Variants in FRMD3 observed in about 807,000 individuals in gnomAD.
FRMD3 encodes FERM domain containing 3.
Under a neutral mutation model 70.2 loss-of-function variants are expected in FRMD3, and 33 were observed. The observed-to-expected ratio is 0.47, with a 90% confidence interval of 0.36 to 0.63. The LOEUF is 0.63. Ranked by LOEUF, FRMD3 falls within the 20% of genes least tolerant of loss-of-function variation. The probability of loss-of-function intolerance (pLI) is 0.00; values close to 1 mark genes in which losing one functional copy is unlikely to be tolerated. For missense variants in FRMD3, 632 were observed against 711.4 expected, an observed-to-expected ratio of 0.89 and a Z score of 1.27; for synonymous variants, 279 against 255.9, an observed-to-expected ratio of 1.09 and a Z score of -0.86.
chr9:83,568,437 C>T, the FRMD3 span, among the ~76,000 whole-genome samples: 31 of 152,176 alleles, frequency 2.0e-4, no homozygotes, highest in African/African-American at 7.0e-4. Flanking sequence ...TTTTAAAACA[C>T]ATATCAAGTA....
intron 13 of FRMD3, among the ~76,000 whole-genome samples, chr9:83,255,082 G>T (rs1832637621): frequency 6.6e-6 from 1 of 152,090 alleles, no homozygotes; most frequent in Admixed American, 6.6e-5. Context: ...AACGAAAAAA[G>T]TAAACTTCGG....
At chr9:83,262,204 A>AATACATTCAAT (rs1417229629) in intron 13 of FRMD3, among the ~76,000 whole-genome samples, 3 of 152,216 alleles carry the variant, frequency 2.0e-5, no homozygotes, top group Non-Finnish European at 4.4e-5. Flanking sequence ...ACATAGGAAC[A>AATACATTCAAT]TCGACTTCAA....
intron 2 of FRMD3, among the ~76,000 whole-genome samples, chr9:83,383,758 G>C (rs1340054608): frequency 6.6e-6 from 1 of 152,166 alleles, no homozygotes; most frequent in Admixed American, 6.5e-5. Flanking sequence ...CCCAGCCCCT[G>C]CCTTCTGGCT....
intron 6 of FRMD3, among the ~76,000 whole-genome samples, chr9:83,322,839 G>C (rs1206540519): frequency 6.6e-6 from 1 of 152,132 alleles, no homozygotes; most frequent in African/African-American, 2.4e-5. Flanking sequence ...TCTCCTCTCT[G>C]GTGAATCCCA....
intron 3 of FRMD3, among the ~76,000 whole-genome samples, chr9:83,370,694 C>T (rs76011134): frequency 0.055 from 8,421 of 152,198 alleles, 282 homozygotes; most frequent in East Asian, 0.18. Context: ...GGCAGATCAC[C>T]TAAGATCAGA....
chr9:83,546,490 G>A, the FRMD3 span, among the ~76,000 whole-genome samples: 4 of 152,146 alleles, frequency 2.6e-5, no homozygotes, highest in Non-Finnish European at 4.4e-5. Context: ...CACTAGACTG[G>A]CTCTATAAGA....
At chr9:83,558,037 A>T in the FRMD3 span, among the ~76,000 whole-genome samples, 1 of 152,190 alleles carries the variant, frequency 6.6e-6, no homozygotes, top group Non-Finnish European at 1.5e-5. Context: ...AGATCAGAGT[A>T]TCACTCTGTT....
chr9:83,345,859 A>G lies in FRMD3; in HGVS notation c.375-2572T>C, dbSNP rs1425586087. 6.6e-5 allele frequency among the ~76,000 whole-genome samples: 10 copies of G among 152,332 alleles called. No individual in the cohort carries two copies. The East Asian group carries it at 9.6e-4, about 15-fold the overall frequency. On this transcript the variant is annotated intron_variant, in intron 4 of 13. Transcript: ENST00000304195. Reference sequence around the variant, plus strand: ...ACTTTGAGTAATAAGGTTCTAAACCAGTGGGCTTCTGGATCCTACCCCAGA... The same window carrying G: ...ACTTTGAGTAATAAGGTTCTAAACCGGTGGGCTTCTGGATCCTACCCCAGA...
the FRMD3 span, among the ~76,000 whole-genome samples, chr9:83,543,915 C>G: frequency 6.6e-6 from 1 of 152,134 alleles, no homozygotes; most frequent in Non-Finnish European, 1.5e-5. Context: ...GCCTCCTACT[C>G]CCCGCATAGC....
the FRMD3 span, among the ~76,000 whole-genome samples, chr9:83,581,463 T>A: frequency 6.6e-6 from 1 of 152,138 alleles, no homozygotes; most frequent in Non-Finnish European, 1.5e-5. Flanking sequence ...TAATAACAAG[T>A]ATTGTCAAGG....
the FRMD3 span, among the ~76,000 whole-genome samples, chr9:83,584,073 T>C: frequency 1.3e-5 from 2 of 152,148 alleles, no homozygotes; most frequent in Non-Finnish European, 2.9e-5. Context: ...TGGTGGCTCA[T>C]GCCTGTAATC....
intron 1 of FRMD3, among the ~76,000 whole-genome samples, chr9:83,450,206 TGC>T (rs958934646): frequency 4.7e-5 from 5 of 105,994 alleles, no homozygotes; most frequent in South Asian, 3.3e-4. Context: ...TGTGCACCCG[TGC>T]GCGCACACAC....
chr9:83,335,504 C>T lies in FRMD3; in HGVS notation c.596+12G>A, dbSNP rs1442501356. 1.5e-5 allele frequency: 24 copies of T among 1,606,526 alleles called. No homozygotes were observed. Among genetic ancestry groups the T allele is most frequent in the Non-Finnish European group, 2.0e-5 (23 of 1,174,484 alleles). ...CCTTTATCATTTTCACAAATGTCTACTCAGTAATTACCTGAGTTCATTTTT... is the reference window on the plus strand; with the variant it reads ...CCTTTATCATTTTCACAAATGTCTATTCAGTAATTACCTGAGTTCATTTTT... On this transcript the variant is annotated intron_variant, in intron 6 of 13. Coordinates refer to ENST00000304195, the MANE Select transcript of FRMD3 (RefSeq NM_174938.6).
chr9:83,383,413 G>T (rs1825417443), intron 2 of FRMD3, among the ~76,000 whole-genome samples: 1 of 152,110 alleles, frequency 6.6e-6, no homozygotes, highest in Non-Finnish European at 1.5e-5. Context: ...AACTACTACT[G>T]AACCTTGAAG....
chr9:83,390,792 A>G (rs747980246), intron 1 of FRMD3, among the ~76,000 whole-genome samples: 2 of 152,216 alleles, frequency 1.3e-5, no homozygotes, highest in Admixed American at 6.5e-5. Flanking sequence ...TGACCTATTA[A>G]AATATATGAA....
chr9:83,274,799 G>A (rs370183432), intron 13 of FRMD3, among the ~76,000 whole-genome samples: 1 of 152,212 alleles, frequency 6.6e-6, no homozygotes, highest in East Asian at 1.9e-4. Context: ...GAGTTCAGGG[G>A]ATGGGCTACA....
chr9:83,327,958 G>A (rs548878350), intron 6 of FRMD3, among the ~76,000 whole-genome samples: 1 of 152,184 alleles, frequency 6.6e-6, no homozygotes, highest in Non-Finnish European at 1.5e-5. Context: ...TCTTTATGCA[G>A]AGCATTAGAT....
At chr9:83,354,077 A>C (rs1295407472) in intron 3 of FRMD3, among the ~76,000 whole-genome samples, 1 of 152,124 alleles carries the variant, frequency 6.6e-6, no homozygotes, top group Non-Finnish European at 1.5e-5. Context: ...GGTACCCACC[A>C]CAATGCCTGG....
At chr9:83,578,109 G>T in the FRMD3 span, among the ~76,000 whole-genome samples, 8 of 151,592 alleles carry the variant, frequency 5.3e-5, 1 homozygote, top group South Asian at 1.7e-3. Flanking sequence ...CAAACGGCCT[G>T]CCAACATTGA....
Sources: allele counts gnomAD v4.1 joint callset (sites outside exome capture counted in the v4.1 genomes callset), GRCh38; gene constraint gnomAD v4.1.1; transcripts MANE v1.5; gene names NCBI Gene and HGNC (gene_info 2026-07-23, HGNC 2026-07-21).